Variants in RHOJ observed in about 807,000 individuals in gnomAD.
RHOJ encodes rho-related GTP-binding protein RhoJ.
A neutral mutation model predicts 23.4 loss-of-function variants in RHOJ; 11 were observed. The observed-to-expected ratio is 0.47, with a 90% CI of 0.30 to 0.78. The LOEUF (loss-of-function observed/expected upper bound fraction) is 0.78. Ranked by LOEUF, RHOJ falls within the 30% of genes least tolerant of loss-of-function variation. The pLI, the probability that RHOJ is intolerant of heterozygous loss-of-function variation, is 0.08. For missense variants in RHOJ, 254 were observed against 273.4 expected (o/e 0.93, Z 0.50); for synonymous variants, 102 against 102.7 (o/e 0.99, Z 0.04).
chr14:63,268,515 A>G (rs1895407520), intron 1 of RHOJ, among the ~76,000 whole-genome samples: 1 of 152,240 alleles, frequency 6.6e-6, no homozygotes, highest in Non-Finnish European at 1.5e-5. Context: ...TAATGAATCA[A>G]TTGTGCAAAA....
chr14:63,288,831 C>A (rs1484537272), intron 4 of RHOJ, among the ~76,000 whole-genome samples: 1 of 152,084 alleles, frequency 6.6e-6, no homozygotes. Flanking sequence ...AGTGTCTGGG[C>A]CCAACCAAAA....
chr14:63,208,529 T>A lies in RHOJ; in HGVS notation c.178+3482T>A, dbSNP rs568806226. On this transcript the variant is annotated intron_variant, in intron 1 of 4. Coordinates refer to ENST00000316754, the MANE Select transcript of RHOJ (RefSeq NM_020663.5). The stretch of plus-strand genomic sequence containing the variant: ...GTCCTCCTCTTGATCTCTTGGAAGC[T>A]TTTTTTATGGTTCATTACCCTCCTT... Among the ~76,000 whole-genome samples the A allele has an allele frequency of 4.6e-5, 7 of 152,294 alleles. No homozygotes were observed. In the East Asian group the frequency reaches 1.3e-3, roughly 29 times the overall value.
chr14:63,270,968 C>A (rs957348749), intron 2 of RHOJ, among the ~76,000 whole-genome samples: 2 of 152,132 alleles, frequency 1.3e-5, no homozygotes, highest in Non-Finnish European at 2.9e-5. Context: ...TCTTTAAAAG[C>A]TCTTGTGGAG....
chr14:63,233,187 CT>C (rs1194730579), intron 1 of RHOJ, among the ~76,000 whole-genome samples: 2 of 152,096 alleles, frequency 1.3e-5, no homozygotes, highest in African/African-American at 4.8e-5. Flanking sequence ...TGAAACAGGG[CT>C]CAAGAGCATG....
At chr14:63,263,225 A>C (rs748209665) in intron 1 of RHOJ, among the ~76,000 whole-genome samples, 1 of 152,160 alleles carries the variant, frequency 6.6e-6, no homozygotes, top group Non-Finnish European at 1.5e-5. Context: ...CGAATACAGA[A>C]CTATCTGACT....
At chr14:63,274,988 G>A (rs1881672688) in intron 2 of RHOJ, among the ~76,000 whole-genome samples, 1 of 152,164 alleles carries the variant, frequency 6.6e-6, no homozygotes, top group Admixed American at 6.5e-5. Context: ...CGGGGTGGGA[G>A]GAGCTCAGCG....
chr14:63,263,737 T>C (rs1895314193), intron 1 of RHOJ, among the ~76,000 whole-genome samples: 1 of 152,180 alleles, frequency 6.6e-6, no homozygotes, highest in South Asian at 2.1e-4. Flanking sequence ...TTTAAGTCAT[T>C]CTCTTTTACT....
At chr14:63,234,782 TTC>T (rs1439228528) in intron 1 of RHOJ, among the ~76,000 whole-genome samples, 1 of 152,172 alleles carries the variant, frequency 6.6e-6, no homozygotes, top group African/African-American at 2.4e-5. Context: ...AAAGGTGAAA[TTC>T]TCTGTCCCCA....
At chr14:63,235,653 A>C (rs1264035355) in intron 1 of RHOJ, among the ~76,000 whole-genome samples, 2 of 152,222 alleles carry the variant, frequency 1.3e-5, no homozygotes, top group Non-Finnish European at 2.9e-5. Flanking sequence ...CAAAATTTTC[A>C]AAACAAAAAA....
intron 1 of RHOJ, among the ~76,000 whole-genome samples, chr14:63,224,673 T>TA (rs1250466766): frequency 1.3e-5 from 2 of 152,212 alleles, no homozygotes; most frequent in Non-Finnish European, 2.9e-5. Context: ...CAGGCCTGCT[T>TA]TATACAGAAT....
chr14:63,218,397 G>A (rs547419952), intron 1 of RHOJ, among the ~76,000 whole-genome samples: 1 of 152,248 alleles, frequency 6.6e-6, no homozygotes. Flanking sequence ...CACTTGAAGA[G>A]CATACTTAAT....
intron 2 of RHOJ, among the ~76,000 whole-genome samples, chr14:63,275,370 A>G (rs1296605296): frequency 6.6e-6 from 1 of 152,212 alleles, no homozygotes; most frequent in Non-Finnish European, 1.5e-5. Context: ...GGTGATGCAA[A>G]TATATGTAGT....
At chr14:63,237,586 T>C (rs1894812176) in intron 1 of RHOJ, among the ~76,000 whole-genome samples, 1 of 152,148 alleles carries the variant, frequency 6.6e-6, no homozygotes, top group African/African-American at 2.4e-5. Context: ...ACTCAAAAAC[T>C]CCAATACACA....
In RHOJ at chr14:63,288,142, C is replaced by A. The variant is rs77050924; in HGVS notation, c.499-2736C>A. ...TCAGTACAACATAATGTCATATTAACTCAGTTACACAATAATGCCTTTATC... is the reference window on the plus strand; with the variant it reads ...TCAGTACAACATAATGTCATATTAAATCAGTTACACAATAATGCCTTTATC... On this transcript the variant is annotated intron_variant, in intron 4 of 4. Coordinates refer to ENST00000316754, the MANE Select transcript of RHOJ (RefSeq NM_020663.5). 2.4e-4 allele frequency: 233 copies of A among 978,140 alleles called. No homozygotes were observed. In the East Asian group the frequency reaches 0.022, roughly 94 times the overall value. 60.6% of individuals were successfully genotyped at this position (978,140 alleles called of 1,614,324 possible). A position where few individuals can be genotyped will look rare whatever the true frequency, so the allele number is the denominator to read the frequency against.
chr14:63,269,335 T>C (rs1276061545), intron 2 of RHOJ, 167 bp downstream of exon 2: 10 of 485,960 alleles, frequency 2.1e-5, no homozygotes, highest in Admixed American at 7.6e-5. Flanking sequence ...CTCAATATTT[T>C]AAAAATTACA....
At chr14:63,257,499 G>A (rs1895191308) in intron 1 of RHOJ, among the ~76,000 whole-genome samples, 1 of 150,082 alleles carries the variant, frequency 6.7e-6, no homozygotes, top group Admixed American at 6.6e-5. Context: ...TCAGGTTAGG[G>A]CAACAATGAA....
Position 63,243,464 on chromosome 14 carries a change from C to T in RHOJ, c.179-25646C>T, listed in dbSNP as rs185020937. Reference sequence around the variant, plus strand: ...AAGCGATTCTCCTGCCTCAGCCTCCCGAGTAGCTGGGATTACAGGCACCCG... The same window carrying T: ...AAGCGATTCTCCTGCCTCAGCCTCCTGAGTAGCTGGGATTACAGGCACCCG... On this transcript the variant is annotated intron_variant, in intron 1 of 4. Coordinates refer to ENST00000316754, the MANE Select transcript of RHOJ (RefSeq NM_020663.5). Among the ~76,000 whole-genome samples, 61 of 152,264 alleles carry T rather than the reference C, an allele frequency of 4.0e-4. No individual in the cohort carries two copies. In the East Asian group the frequency reaches 4.6e-3, roughly 12 times the overall value.
At chr14:63,246,050 AT>A (rs1894971043) in intron 1 of RHOJ, among the ~76,000 whole-genome samples, 1 of 152,122 alleles carries the variant, frequency 6.6e-6, no homozygotes, top group African/African-American at 2.4e-5. Flanking sequence ...GAGTCTCCTG[AT>A]TCCCCTCCTC....
intron 1 of RHOJ, among the ~76,000 whole-genome samples, chr14:63,260,771 C>T (rs1366613714): frequency 6.6e-6 from 1 of 151,950 alleles, no homozygotes; most frequent in African/African-American, 2.4e-5. Context: ...AAATGGTTTC[C>T]AACTGTTAGC....
Sources: gnomAD v4.1 joint callset for allele counts (sites outside exome capture counted in the v4.1 genomes callset) on GRCh38, gnomAD v4.1.1 for gene constraint, MANE v1.5 for transcripts, NCBI Gene and HGNC (gene_info 2026-07-23, HGNC 2026-07-21) for gene names.